Variants in DNAAF11 observed in about 807,000 individuals in gnomAD.
DNAAF11 encodes the protein leucine rich repeat containing 6.
In DNAAF11, 45 loss-of-function variants were observed where a neutral mutation model predicts 60.8. The ratio of observed to expected loss-of-function variants is 0.74; its 90% CI spans 0.58 to 0.95. The LOEUF (loss-of-function observed/expected upper bound fraction) is 0.95, where lower values mean the gene tolerates loss of function less well. Ranked by LOEUF, DNAAF11 falls within the 40% of genes least tolerant of loss-of-function variation. The pLI is 0.00. For synonymous variants in DNAAF11, 191 were observed against 183.5 expected (o/e 1.04, Z -0.33); for missense variants, 546 against 546.2 (o/e 1.00, Z 0.00).
intron 6 of DNAAF11, among the ~76,000 whole-genome samples, chr8:132,623,904 GAATT>G (rs1819994374): frequency 1.3e-5 from 2 of 152,036 alleles, no homozygotes; most frequent in Non-Finnish European, 2.9e-5. Context: ...TGCTTACACC[GAATT>G]AATAAAAATG....
intron 10 of DNAAF11, among the ~76,000 whole-genome samples, chr8:132,588,303 T>C (rs1816112887): frequency 6.6e-6 from 1 of 152,164 alleles, no homozygotes; most frequent in African/African-American, 2.4e-5. Context: ...AAAGAAAACA[T>C]AAATCAATCT....
chr8:132,691,983 T>C, the DNAAF11 span, among the ~76,000 whole-genome samples: 1 of 152,138 alleles, frequency 6.6e-6, no homozygotes, highest in Admixed American at 6.5e-5. Flanking sequence ...TTTTGGAACA[T>C]GGAGAAACAA....
intron 10 of DNAAF11, among the ~76,000 whole-genome samples, chr8:132,598,959 C>A (rs1328630896): frequency 6.6e-6 from 1 of 152,028 alleles, no homozygotes; most frequent in Non-Finnish European, 1.5e-5. Flanking sequence ...CACAAAAAAC[C>A]CTTCAAAAAA....
intron 3 of DNAAF11, among the ~76,000 whole-genome samples, chr8:132,644,769 G>A (rs1822203058): frequency 6.6e-6 from 1 of 152,318 alleles, no homozygotes; most frequent in East Asian, 1.9e-4. Context: ...CTGCAAGGCG[G>A]CAGCAAGGCT....
At chr8:132,628,792 T>G (rs1323980296) in intron 5 of DNAAF11, among the ~76,000 whole-genome samples, 1 of 152,206 alleles carries the variant, frequency 6.6e-6, no homozygotes, top group Non-Finnish European at 1.5e-5. Flanking sequence ...AGAAGGCACC[T>G]GCAAGAAACC....
At chr8:132,578,449 A>T in intron 11 of DNAAF11, 1 of 1,524,466 alleles carries the variant, frequency 6.6e-7, no homozygotes, top group East Asian at 2.5e-5. Flanking sequence ...TCTAGGACGG[A>T]CGCCCATCAC....
At chr8:132,672,111 T>C (rs1825247728) in intron 1 of DNAAF11, among the ~76,000 whole-genome samples, 1 of 152,128 alleles carries the variant, frequency 6.6e-6, no homozygotes, top group Admixed American at 6.5e-5. Flanking sequence ...ATGACCTATA[T>C]CCAGAATATA....
the DNAAF11 span, among the ~76,000 whole-genome samples, chr8:132,694,070 C>T: frequency 6.6e-6 from 1 of 152,158 alleles, no homozygotes; most frequent in South Asian, 2.1e-4. Flanking sequence ...ATGACATCAG[C>T]TGAAGAGGCA....
the DNAAF11 span, among the ~76,000 whole-genome samples, chr8:132,699,239 C>T: frequency 6.6e-6 from 1 of 151,960 alleles, no homozygotes; most frequent in Non-Finnish European, 1.5e-5. Context: ...GACATCTTCT[C>T]TGTGGGGGAG....
chr8:132,581,407 T>G (rs569695429), intron 11 of DNAAF11, among the ~76,000 whole-genome samples: 1 of 152,070 alleles, frequency 6.6e-6, no homozygotes, highest in East Asian at 1.9e-4. Flanking sequence ...CCCAGCACTT[T>G]GGGAGGCCAA....
chr8:132,696,075 G>A, the DNAAF11 span, among the ~76,000 whole-genome samples: 3 of 152,196 alleles, frequency 2.0e-5, no homozygotes, highest in African/African-American at 7.2e-5. Flanking sequence ...TTATGGGAAT[G>A]ACAAGGTCCA....
At chr8:132,573,150 A>ACAGATATAGATATAGATGT (rs1814391271) in intron 11 of DNAAF11, among the ~76,000 whole-genome samples, 1 of 152,118 alleles carries the variant, frequency 6.6e-6, no homozygotes, top group African/African-American at 2.4e-5. Flanking sequence ...AGATGTAGAT[A>ACAGATATAGATATAGATGT]ATCAGGTCTC....
intron 1 of DNAAF11, among the ~76,000 whole-genome samples, chr8:132,671,837 T>C (rs1586754230): frequency 6.7e-6 from 1 of 148,536 alleles, no homozygotes; most frequent in Non-Finnish European, 1.5e-5. Context: ...ACAACAACAA[T>C]GTAATCTACA....
At chr8:132,675,577 C>T, upstream of DNAAF11, 3 of 1,382,296 alleles carry the variant, frequency 2.2e-6, no homozygotes, top group Non-Finnish European at 2.9e-6. Flanking sequence ...CTCCTCAGCG[C>T]GTCCCCGTCG....
intron 11 of DNAAF11, among the ~76,000 whole-genome samples, chr8:132,579,724 G>A (rs1815122016): frequency 6.6e-6 from 1 of 152,220 alleles, no homozygotes; most frequent in Non-Finnish European, 1.5e-5. Context: ...GCCAGGCGTA[G>A]TGTCTCGTGC....
chr8:132,581,661 C>CAAAAAAAAAAAAAAA (rs59380140), intron 11 of DNAAF11, among the ~76,000 whole-genome samples: 2 of 82,992 alleles, frequency 2.4e-5, no homozygotes, highest in Non-Finnish European at 4.7e-5. Flanking sequence ...GACTCTGCCT[C>CAAAAAAAAAAAAAAA]AAAAAAAAAA....
In DNAAF11 at chr8:132,570,920, C is replaced by G. The variant is rs1202229757; in HGVS notation, c.*1386G>C. Among the ~76,000 whole-genome samples the G allele has an allele frequency of 1.3e-5, 2 of 152,230 alleles. No individual in the cohort carries two copies. Among genetic ancestry groups the G allele is most frequent in the East Asian group, 1.9e-4 (1 of 5,196 alleles). On this transcript the variant is annotated 3_prime_UTR_variant, in exon 12 of 12. Transcript: ENST00000620350. ...CAATCACAGTCCTACTTCAGCTTCT[C>G]AGATTCTGTGCAAGTTCTGAATTGT...
At chr8:132,611,526 C>T (rs999042231) in intron 8 of DNAAF11, among the ~76,000 whole-genome samples, 163 bp from the exon 9 acceptor site, 5 of 151,990 alleles carry the variant, frequency 3.3e-5, no homozygotes, top group African/African-American at 1.2e-4. Flanking sequence ...ATTCCCAGAC[C>T]AAAGGAAATT....
intron 3 of DNAAF11, among the ~76,000 whole-genome samples, chr8:132,652,229 A>C (rs537734183): frequency 1.3e-5 from 2 of 152,334 alleles, no homozygotes; most frequent in East Asian, 1.9e-4. Context: ...TGCAGAGTAC[A>C]CAGTGGCTCT....
Sources: gnomAD v4.1 joint callset for allele counts (sites outside exome capture counted in the v4.1 genomes callset) on GRCh38, gnomAD v4.1.1 for gene constraint, MANE v1.5 for transcripts, NCBI Gene and HGNC (gene_info 2026-07-23, HGNC 2026-07-21) for gene names.